Variants in SEPTIN9 observed in about 807,000 individuals in gnomAD.
SEPTIN9 encodes the protein septin-9.
Under a neutral mutation model 56.6 loss-of-function variants are expected in SEPTIN9, and 13 were observed. The ratio of observed to expected loss-of-function variants is 0.23; its 90% CI spans 0.15 to 0.37. The LOEUF (loss-of-function observed/expected upper bound fraction) is 0.37, where lower values mean the gene tolerates loss of function less well. SEPTIN9 is among the 10% of genes least tolerant of loss of function. The pLI, the probability that SEPTIN9 is intolerant of heterozygous loss-of-function variation, is 1.00. For missense variants in SEPTIN9, 650 were observed against 823.1 expected, an observed-to-expected ratio of 0.79 and a Z score of 2.57; for synonymous variants, 332 against 334.1, an observed-to-expected ratio of 0.99 and a Z score of 0.07.
chr17:77,374,765 C>A, intron 2 of SEPTIN9: 1 of 152,490 alleles, frequency 6.6e-6, no homozygotes, highest in Non-Finnish European at 1.5e-5. Flanking sequence ...GAGGCGGGGC[C>A]TCCTGGGGGA....
chr17:77,320,209 AGAGGAG>A lies in SEPTIN9; in HGVS notation c.76+13032_76+13037del, dbSNP rs372287642. The A allele has an allele frequency of 4.7e-4, 755 of 1,602,888 alleles. 1 individual carries two copies. The highest frequency in any genetic ancestry group is 1.7e-3 in the African/African-American group (129 of 74,404). ...ATTAGACCAGACAAAGAGTGTTTTT[AGAGGAG>A]GAGGAGGAGGAGGAGGAGGCTGAGA... is the stretch of plus-strand genomic sequence containing the variant. On this transcript the variant is annotated intron_variant, in intron 2 of 11. Coordinates refer to ENST00000427177, the MANE Select transcript of SEPTIN9 (RefSeq NM_001113491.2).
intron 1 of SEPTIN9, among the ~76,000 whole-genome samples, chr17:77,287,469 A>G (rs1164498112): frequency 6.6e-6 from 1 of 152,174 alleles, no homozygotes; most frequent in Non-Finnish European, 1.5e-5. Context: ...GGATTTGGTC[A>G]TTCATTCCAG....
At chr17:77,448,201 G>A (rs1054175221) in intron 3 of SEPTIN9, among the ~76,000 whole-genome samples, 1 of 152,152 alleles carries the variant, frequency 6.6e-6, no homozygotes, top group African/African-American at 2.4e-5. Context: ...GGATGGGCGT[G>A]GTGGCTCACG....
At chr17:77,320,258 G>T in intron 2 of SEPTIN9, 1 of 1,611,820 alleles carries the variant, frequency 6.2e-7, no homozygotes, top group African/African-American at 1.3e-5. Flanking sequence ...GGCGACGGGG[G>T]TGAGAAAGGG....
Position 77,367,832 on chromosome 17 carries a change from TAATA to T in SEPTIN9, c.77-34220_77-34217del, listed in dbSNP as rs1369517567. On this transcript the variant is annotated intron_variant, in intron 2 of 11. Coordinates refer to ENST00000427177, the MANE Select transcript of SEPTIN9 (RefSeq NM_001113491.2). The surrounding 1 kb of genome is among the most constrained non-coding windows in gnomAD (Gnocchi z 4.5). ...CTGTCTAAAATAATAATAATGCTAA[TAATA>T]AATAAAATAATAATAATAAAATAAT... 2.6e-5 allele frequency among the ~76,000 whole-genome samples: 4 copies of T among 151,844 alleles called. No homozygotes were observed. Among genetic ancestry groups the T allele is most frequent in the Non-Finnish European group, 5.9e-5 (4 of 67,968 alleles).
rs534654751 is a variant in SEPTIN9 at position 77,478,917 on chromosome 17, A to C, written c.722-3227A>C. Among the ~76,000 whole-genome samples, 61 of 152,336 alleles carry C rather than the reference A, an allele frequency of 4.0e-4. No homozygotes were observed. The South Asian group carries it at 4.1e-3, about 10-fold the overall frequency. On this transcript the variant is annotated intron_variant, in intron 3 of 11. Coordinates refer to ENST00000427177, the MANE Select transcript of SEPTIN9 (RefSeq NM_001113491.2). ...CCTTTCGGGTATTACGCTAAGTGAA[A>C]TAATTTGGTCACAAAAGGACAATCC...
intron 2 of SEPTIN9, among the ~76,000 whole-genome samples, chr17:77,340,172 C>T (rs1220705220): frequency 6.6e-6 from 1 of 150,792 alleles, no homozygotes; most frequent in Non-Finnish European, 1.5e-5. Flanking sequence ...ACAGAGTCTC[C>T]CTCTGTTGCC....
chr17:77,436,728 G>A lies in SEPTIN9; in HGVS notation c.721+34025G>A, dbSNP rs1345119257. ...GGAGGTGGGCAAAAGCCGCTTCCGG[G>A]CAGCCAGCCCCCATCCTGGGAGTGA... On this transcript the variant is annotated intron_variant, in intron 3 of 11. Coordinates refer to ENST00000427177, the MANE Select transcript of SEPTIN9 (RefSeq NM_001113491.2). The surrounding 1 kb of genome is among the most constrained non-coding windows in gnomAD (Gnocchi z 4.4). 6.6e-6 allele frequency among the ~76,000 whole-genome samples: 1 copy of A among 152,262 alleles called. No homozygotes were observed. Among genetic ancestry groups the A allele is most frequent in the Non-Finnish European group, 1.5e-5 (1 of 68,042 alleles).
chr17:77,497,659 AG>A, intron 11 of SEPTIN9: 1 of 516,392 alleles, frequency 1.9e-6, no homozygotes. Flanking sequence ...GTGGCCACTA[AG>A]GGCCCAGTGA....
chr17:77,496,880 C>G (rs183130200), intron 10 of SEPTIN9, among the ~76,000 whole-genome samples: 1 of 152,336 alleles, frequency 6.6e-6, no homozygotes, highest in Admixed American at 6.5e-5. Flanking sequence ...AGCTCCGATT[C>G]CTGCTTCATC....
chr17:77,431,272 T>C (rs1598363020), intron 3 of SEPTIN9, among the ~76,000 whole-genome samples: 1 of 152,138 alleles, frequency 6.6e-6, no homozygotes, highest in African/African-American at 2.4e-5. Context: ...CACACCACTG[T>C]ACTCCAGCTC....
chr17:77,290,527 G>A (rs1230490318), intron 1 of SEPTIN9, among the ~76,000 whole-genome samples: 2 of 151,764 alleles, frequency 1.3e-5, no homozygotes, highest in African/African-American at 4.8e-5. Flanking sequence ...CAAAGTGCTG[G>A]GATAAAATAA....
intron 3 of SEPTIN9, among the ~76,000 whole-genome samples, chr17:77,431,981 G>A (rs573040341): frequency 5.9e-5 from 9 of 152,164 alleles, no homozygotes; most frequent in South Asian, 4.2e-4. Context: ...AAAATGTTTC[G>A]TGGCTGGCGG....
chr17:77,328,499 G>A (rs2033230850), intron 2 of SEPTIN9, among the ~76,000 whole-genome samples: 2 of 152,208 alleles, frequency 1.3e-5, no homozygotes, highest in Non-Finnish European at 2.9e-5. Flanking sequence ...CCAAATAGCT[G>A]GGATGACAGG....
At chr17:77,441,433 C>T (rs1219427634) in intron 3 of SEPTIN9, among the ~76,000 whole-genome samples, 5 of 152,218 alleles carry the variant, frequency 3.3e-5, no homozygotes, top group Non-Finnish European at 7.3e-5. Flanking sequence ...CAGCCAGCGC[C>T]CCCATGCTTA....
chr17:77,432,290 C>G (rs192207790), intron 3 of SEPTIN9, among the ~76,000 whole-genome samples: 1 of 152,228 alleles, frequency 6.6e-6, no homozygotes, highest in African/African-American at 2.4e-5. Flanking sequence ...TTAGAACGGT[C>G]CTGGCATGAC....
At chr17:77,442,436 A>T (rs1463578246) in intron 3 of SEPTIN9, among the ~76,000 whole-genome samples, 2 of 142,728 alleles carry the variant, frequency 1.4e-5, no homozygotes, top group Non-Finnish European at 3.0e-5. Context: ...TGACCTCGTG[A>T]TCTGCCTACC....
Position 77,350,751 on chromosome 17 carries a change from C to T in SEPTIN9, c.76+43554C>T, listed in dbSNP as rs371822043. 1.2e-3 allele frequency among the ~76,000 whole-genome samples: 149 copies of T among 121,302 alleles called. 7 individuals are homozygous for T. The South Asian group carries it at 0.035, about 29-fold the overall frequency. The allele number at this position is 121,302 out of a possible 152,430, so 79.6% of individuals were successfully genotyped here. A position where few individuals can be genotyped will look rare whatever the true frequency, so the allele number is the denominator to read the frequency against. On this transcript the variant is annotated intron_variant, in intron 2 of 11. Coordinates refer to ENST00000427177, the MANE Select transcript of SEPTIN9 (RefSeq NM_001113491.2). Reference sequence around the variant, plus strand: ...AGGAGCAGAGAGGAGGAAACGGGGGCGGGGGTGAGGGTGGGAACAGGAGGT... The same window carrying T: ...AGGAGCAGAGAGGAGGAAACGGGGGTGGGGGTGAGGGTGGGAACAGGAGGT...
intron 2 of SEPTIN9, among the ~76,000 whole-genome samples, chr17:77,335,746 G>A (rs1239909541): frequency 5.8e-5 from 1 of 17,176 alleles, no homozygotes. Context: ...CTGTATATGT[G>A]GTCCTGTATT....
Sources: allele counts gnomAD v4.1 joint callset (sites outside exome capture counted in the v4.1 genomes callset), GRCh38; gene constraint gnomAD v4.1.1; non-coding constraint Gnocchi (gnomAD v3.1); transcripts MANE v1.5; gene names NCBI Gene and HGNC (gene_info 2026-07-23, HGNC 2026-07-21).